BTRC: variants seen among roughly 807,000 people sequenced by gnomAD.
The protein encoded by BTRC is F-box/WD repeat-containing protein 1A.
Under a neutral mutation model 85.5 loss-of-function variants are expected in BTRC, and 42 were observed. The observed-to-expected ratio is 0.49, with a 90% CI of 0.38 to 0.64. The LOEUF (loss-of-function observed/expected upper bound fraction) is 0.64. Among genes scored for constraint, BTRC ranks in the 30% least tolerant of loss-of-function variants. BTRC has a pLI of 0.00. For missense variants in BTRC, 594 were observed against 743.5 expected, an observed-to-expected ratio of 0.80 and a Z score of 2.34; for synonymous variants, 255 against 263.3, an observed-to-expected ratio of 0.97 and a Z score of 0.30.
intron 2 of BTRC, among the ~76,000 whole-genome samples, chr10:101,456,429 C>T (rs900197065): frequency 6.6e-6 from 1 of 152,038 alleles, no homozygotes; most frequent in East Asian, 1.9e-4. Context: ...TAAAAACTGA[C>T]TCTGAGGATT....
At chr10:101,473,122 G>A (rs1412969878) in intron 3 of BTRC, among the ~76,000 whole-genome samples, 1 of 147,696 alleles carries the variant, frequency 6.8e-6, no homozygotes, top group Non-Finnish European at 1.5e-5. Flanking sequence ...CCCACACAGT[G>A]ACTAAGACCG....
intron 1 of BTRC, among the ~76,000 whole-genome samples, chr10:101,383,357 C>T (rs980995737): frequency 1.3e-5 from 2 of 149,722 alleles, no homozygotes; most frequent in Non-Finnish European, 3.0e-5. Flanking sequence ...TCTGGGACTA[C>T]ACTTTGAGGA....
At chr10:101,529,028 A>C (rs942869180) in intron 6 of BTRC, among the ~76,000 whole-genome samples, 3 of 152,232 alleles carry the variant, frequency 2.0e-5, no homozygotes, top group Non-Finnish European at 2.9e-5. Flanking sequence ...TTAAAAGTAT[A>C]ATAAAAGACC....
At chr10:101,462,450 C>G (rs761657202) in intron 3 of BTRC, among the ~76,000 whole-genome samples, 2 of 152,102 alleles carry the variant, frequency 1.3e-5, no homozygotes, top group Non-Finnish European at 2.9e-5. Flanking sequence ...GAGGCTGAGG[C>G]AGGCGAATAC....
intron 6 of BTRC, among the ~76,000 whole-genome samples, chr10:101,528,293 A>T (rs2062230165): frequency 7.4e-6 from 1 of 135,102 alleles, no homozygotes; most frequent in Non-Finnish European, 1.8e-5. Flanking sequence ...TGGCAGATGG[A>T]TGTGAAAATG....
intron 2 of BTRC, among the ~76,000 whole-genome samples, chr10:101,451,681 C>T (rs1016615002): frequency 3.9e-5 from 6 of 152,162 alleles, no homozygotes; most frequent in Admixed American, 3.3e-4. Context: ...TAGTTTCCCT[C>T]AAGCTCATCA....
intron 1 of BTRC, among the ~76,000 whole-genome samples, chr10:101,362,180 C>T (rs1472854753): frequency 1.3e-5 from 2 of 151,740 alleles, no homozygotes; most frequent in African/African-American, 2.4e-5. Flanking sequence ...AGGACAGTCT[C>T]GATCTCCTCC....
chr10:101,381,198 A>G (rs188791452), intron 1 of BTRC, among the ~76,000 whole-genome samples: 4 of 152,118 alleles, frequency 2.6e-5, no homozygotes, highest in East Asian at 1.9e-4. Flanking sequence ...TAGACACTAT[A>G]TATATTAACT....
intron 4 of BTRC, among the ~76,000 whole-genome samples, chr10:101,507,102 T>C (rs938484549): frequency 1.3e-5 from 2 of 152,246 alleles, no homozygotes; most frequent in Non-Finnish European, 2.9e-5. Context: ...TGCATTGCCC[T>C]TCTCCCTGTT....
At chr10:101,459,289 G>A (rs1589496055) in intron 2 of BTRC, among the ~76,000 whole-genome samples, 1 of 152,128 alleles carries the variant, frequency 6.6e-6, no homozygotes, top group African/African-American at 2.4e-5. Flanking sequence ...TGTTGGACAG[G>A]CTTTGAGAAC....
At chr10:101,418,710 TA>T (rs966163575) in intron 1 of BTRC, among the ~76,000 whole-genome samples, 20 of 151,942 alleles carry the variant, frequency 1.3e-4, no homozygotes, top group Non-Finnish European at 2.4e-4. Flanking sequence ...TTATTATTAT[TA>T]TTTTTTTATT....
At chr10:101,529,597 G>T (rs1247989506) in intron 6 of BTRC, among the ~76,000 whole-genome samples, 1 of 152,126 alleles carries the variant, frequency 6.6e-6, no homozygotes, top group Non-Finnish European at 1.5e-5. Flanking sequence ...AACGCATCTT[G>T]TTTCCCCTTT....
chr10:101,402,246 C>T (rs1310744291), intron 1 of BTRC, among the ~76,000 whole-genome samples: 1 of 152,108 alleles, frequency 6.6e-6, no homozygotes, highest in African/African-American at 2.4e-5. Context: ...ACTGGAATGG[C>T]TCCTTTGGAA....
chr10:101,374,162 A>G (rs1942721367), intron 1 of BTRC, among the ~76,000 whole-genome samples: 1 of 152,078 alleles, frequency 6.6e-6, no homozygotes, highest in Non-Finnish European at 1.5e-5. Flanking sequence ...TGGTTGAACT[A>G]GTTTACAGTC....
chr10:101,536,796 C>A, intron 12 of BTRC, 143 bp downstream of exon 12: 1 of 571,816 alleles, frequency 1.7e-6, no homozygotes. Flanking sequence ...TTCTTTAATC[C>A]GTGTATTTAC....
chr10:101,420,236 CTTA>C (rs1218167089), intron 1 of BTRC, among the ~76,000 whole-genome samples: 2 of 152,028 alleles, frequency 1.3e-5, no homozygotes, highest in Non-Finnish European at 2.9e-5. Flanking sequence ...AAACCTAGCT[CTTA>C]TTATCCTTTG....
chr10:101,549,840 A>G (rs2062622780), intron 13 of BTRC, among the ~76,000 whole-genome samples: 1 of 151,866 alleles, frequency 6.6e-6, no homozygotes, highest in Admixed American at 6.6e-5. Context: ...CAGGGTGGTA[A>G]CTGCCAGTGG....
chr10:101,376,206 G>A (rs1295035555), intron 1 of BTRC, among the ~76,000 whole-genome samples: 4 of 152,176 alleles, frequency 2.6e-5, no homozygotes, highest in Non-Finnish European at 4.4e-5. Flanking sequence ...CAGGCCTGTA[G>A]TCTAGCTACT....
chr10:101,510,509 T>TAA (rs34026627), intron 4 of BTRC, among the ~76,000 whole-genome samples: 37 of 137,662 alleles, frequency 2.7e-4, no homozygotes, highest in Non-Finnish European at 4.4e-4. Flanking sequence ...GACTCCATCT[T>TAA]AAAAAAAAAC....
Sources: gnomAD v4.1 joint callset for allele counts (sites outside exome capture counted in the v4.1 genomes callset) on GRCh38, gnomAD v4.1.1 for gene constraint, MANE v1.5 for transcripts, NCBI Gene and HGNC (gene_info 2026-07-23, HGNC 2026-07-21) for gene names.